DRC11: variants seen among roughly 807,000 people sequenced by gnomAD.
DRC11 encodes IQ and AAA domain-containing protein 1.
chr2:236,409,779 T>G, the DRC11 span, among the ~76,000 whole-genome samples: 1 of 152,044 alleles, frequency 6.6e-6, no homozygotes, highest in African/African-American at 2.4e-5. Context: ...TTGAAATACG[T>G]CCCATCAATA....
the DRC11 span, among the ~76,000 whole-genome samples, chr2:236,429,635 C>T: frequency 6.6e-6 from 1 of 151,940 alleles, no homozygotes; most frequent in African/African-American, 2.4e-5. This position sits in a 1 kb window ranked among gnomAD's most constrained non-coding sequence, Gnocchi z 5.9. Context: ...GGGTCCCTGG[C>T]CCAGAGAACC....
the DRC11 span, chr2:236,408,775 G>C: frequency 3.0e-6 from 2 of 673,256 alleles, no homozygotes; most frequent in Non-Finnish European, 5.5e-6. This position sits in a 1 kb window ranked among gnomAD's most constrained non-coding sequence, Gnocchi z 5.5. Flanking sequence ...TTGAAGGTCT[G>C]GAGGCCTTGA....
At chr2:236,505,922 C>T in the DRC11 span, among the ~76,000 whole-genome samples, 2 of 152,304 alleles carry the variant, frequency 1.3e-5, no homozygotes, top group East Asian at 3.9e-4. Flanking sequence ...CTTTCCTCTG[C>T]AGCAAAACTC....
the DRC11 span, among the ~76,000 whole-genome samples, chr2:236,491,165 A>ACCCC: frequency 3.3e-4 from 26 of 77,834 alleles, no homozygotes; most frequent in African/African-American, 1.5e-3. Flanking sequence ...CACAGTATAT[A>ACCCC]TATATATATA....
the DRC11 span, chr2:236,497,135 A>G: frequency 6.5e-7 from 1 of 1,541,142 alleles, no homozygotes; most frequent in South Asian, 1.2e-5. The surrounding 1 kb of genome is among the most constrained non-coding windows in gnomAD (Gnocchi z 5.1). Flanking sequence ...AAAAAAAGCA[A>G]CTAATAAGAA....
the DRC11 span, among the ~76,000 whole-genome samples, chr2:236,414,371 A>G: frequency 6.6e-6 from 1 of 152,238 alleles, no homozygotes; most frequent in Non-Finnish European, 1.5e-5. Flanking sequence ...GTTTAAGTCC[A>G]TGACCGATTT....
the DRC11 span, among the ~76,000 whole-genome samples, chr2:236,329,406 C>T: frequency 1.3e-5 from 2 of 152,182 alleles, no homozygotes; most frequent in Non-Finnish European, 2.9e-5. Flanking sequence ...AGTACAGTGG[C>T]TGGCACATAA....
At chr2:236,406,227 A>C in the DRC11 span, among the ~76,000 whole-genome samples, 3 of 152,326 alleles carry the variant, frequency 2.0e-5, no homozygotes, top group East Asian at 5.8e-4. This position sits in a 1 kb window ranked among gnomAD's most constrained non-coding sequence, Gnocchi z 4.7. Context: ...TGAAATTAGG[A>C]GGGCAGTCAG....
At chr2:236,503,882 G>T in the DRC11 span, among the ~76,000 whole-genome samples, 1 of 152,044 alleles carries the variant, frequency 6.6e-6, no homozygotes, top group African/African-American at 2.4e-5. The surrounding 1 kb of genome is among the most constrained non-coding windows in gnomAD (Gnocchi z 4.9). Flanking sequence ...GCCTCTTTCT[G>T]CTTGAGCCCA....
At chr2:236,393,475 G>A in the DRC11 span, among the ~76,000 whole-genome samples, 1 of 152,124 alleles carries the variant, frequency 6.6e-6, no homozygotes. The surrounding 1 kb of genome is among the most constrained non-coding windows in gnomAD (Gnocchi z 4.7). Flanking sequence ...TCTACATTGG[G>A]AGGAAAGTCA....
chr2:236,372,713 G>A, the DRC11 span, among the ~76,000 whole-genome samples: 3 of 152,132 alleles, frequency 2.0e-5, no homozygotes, highest in Admixed American at 6.5e-5. The surrounding 1 kb of genome is among the most constrained non-coding windows in gnomAD (Gnocchi z 4.5). Context: ...AGGCTCAAGC[G>A]CTCCTCCTGC....
chr2:236,340,453 G>A, the DRC11 span, among the ~76,000 whole-genome samples: 4 of 152,206 alleles, frequency 2.6e-5, no homozygotes, highest in Non-Finnish European at 2.9e-5. Context: ...AATTTCTATA[G>A]AGTGGTGGGG....
At chr2:236,476,600 T>C in the DRC11 span, among the ~76,000 whole-genome samples, 5 of 152,224 alleles carry the variant, frequency 3.3e-5, no homozygotes, top group Admixed American at 6.5e-5. This position sits in a 1 kb window ranked among gnomAD's most constrained non-coding sequence, Gnocchi z 4.7. Flanking sequence ...CAGTATTATG[T>C]TGAATAAAAG....
the DRC11 span, among the ~76,000 whole-genome samples, chr2:236,387,028 T>G: frequency 2.0e-5 from 3 of 151,742 alleles, no homozygotes; most frequent in Non-Finnish European, 4.4e-5. Context: ...GTCTGAGAGA[T>G]AGTTTGTTAT....
the DRC11 span, chr2:236,367,598 A>G: frequency 6.6e-6 from 1 of 152,416 alleles, no homozygotes; most frequent in Non-Finnish European, 1.5e-5. The surrounding 1 kb of genome is among the most constrained non-coding windows in gnomAD (Gnocchi z 4.8). Flanking sequence ...CCATAAAGAA[A>G]AAAAAAAAGA....
chr2:236,323,349 AG>A, the DRC11 span, among the ~76,000 whole-genome samples: 1 of 152,148 alleles, frequency 6.6e-6, no homozygotes, highest in Non-Finnish European at 1.5e-5. The surrounding 1 kb of genome is among the most constrained non-coding windows in gnomAD (Gnocchi z 6.4). Flanking sequence ...GAAGTGGGTA[AG>A]GGGAGTCTGT....
chr2:236,349,891 AAAAC>A, the DRC11 span, among the ~76,000 whole-genome samples: 3 of 152,234 alleles, frequency 2.0e-5, no homozygotes, highest in Non-Finnish European at 4.4e-5. The surrounding 1 kb of genome is among the most constrained non-coding windows in gnomAD (Gnocchi z 5.5). Flanking sequence ...GTTAAAAACA[AAAAC>A]AAAAGCAACC....
the DRC11 span, among the ~76,000 whole-genome samples, chr2:236,318,319 C>G: frequency 6.6e-6 from 1 of 152,170 alleles, no homozygotes; most frequent in East Asian, 1.9e-4. This position sits in a 1 kb window ranked among gnomAD's most constrained non-coding sequence, Gnocchi z 7.0. Context: ...TGCCGCAGCC[C>G]TGGGAAGAGG....
chr2:236,459,982 T>C, the DRC11 span, among the ~76,000 whole-genome samples: 1 of 152,190 alleles, frequency 6.6e-6, no homozygotes, highest in Non-Finnish European at 1.5e-5. Flanking sequence ...GTGCAACTTT[T>C]AAGAATTTGT....
Sources: allele counts gnomAD v4.1 joint callset (sites outside exome capture counted in the v4.1 genomes callset), GRCh38; gene constraint gnomAD v4.1.1; non-coding constraint Gnocchi (gnomAD v3.1); transcripts MANE v1.5; gene names NCBI Gene and HGNC (gene_info 2026-07-23, HGNC 2026-07-21).